Variants in KIF21A observed in about 807,000 individuals in gnomAD.
KIF21A encodes the protein kinesin family member 21A, also known as kinesin-like protein KIF21A.
Under a neutral mutation model 202.9 loss-of-function variants are expected in KIF21A, and 114 were observed. That is an observed-to-expected ratio of 0.56 (90% CI 0.48 to 0.66). KIF21A has a LOEUF of 0.66. Ranked by LOEUF, KIF21A falls within the 30% of genes least tolerant of loss-of-function variation. The pLI is 0.00. For synonymous variants in KIF21A, 667 were observed against 670.8 expected (o/e 0.99, Z 0.09); for missense variants, 1,677 against 1,994.9 (o/e 0.84, Z 3.04).
Position 39,303,128 on chromosome 12 carries a change from T to C in KIF21A, c.4568A>G (p.Asp1523Gly). The C allele has an allele frequency of 3.1e-6, 5 of 1,613,954 alleles. No homozygotes were observed. Among genetic ancestry groups the C allele is most frequent in the Non-Finnish European group, 4.2e-6 (5 of 1,179,902 alleles). Residue 1523 changes from aspartate (D) to glycine (G), a missense_variant, in exon 36 of 38, where the codon GAT (aspartate) becomes GGT (glycine). Asp to Gly is a moderately conservative substitution (Grantham distance 94). Transcript: ENST00000361418. ...AGTCCCAAGAGCTCCTTCTGTAACA[T>C]CAAACATCTAAAAAGGTAGAAACAA... Reference protein sequence around the residue: ...GSKDHYIKMFDVTEGALGTVS... With the variant: ...GSKDHYIKMFGVTEGALGTVS...
chr12:39,424,824 T>C (rs2140274713), intron 1 of KIF21A, among the ~76,000 whole-genome samples: 1 of 152,284 alleles, frequency 6.6e-6, no homozygotes, highest in Admixed American at 6.5e-5. Context: ...CAGTCCACCT[T>C]GTACCGAGCA....
rs899673466 is a variant in KIF21A at position 39,347,236 on chromosome 12, CA to C, written c.1674-733del. Among the ~76,000 whole-genome samples the C allele has an allele frequency of 3.9e-3, 491 of 124,738 alleles. 3 individuals carry two copies. The highest frequency in any genetic ancestry group is 0.011 in the African/African-American group (380 of 33,644). The allele number at this position is 124,738 out of a possible 152,430, so 81.8% of individuals were successfully genotyped here. On this transcript the variant is annotated intron_variant, in intron 11 of 37. Transcript: ENST00000361418. ...GGGCATATCTATAAAGCAACAGTGGCAAAAAAAAAAGGGGGGTGGGGAGAAA... is the reference window on the plus strand; with the variant it reads ...GGGCATATCTATAAAGCAACAGTGGCAAAAAAAAAGGGGGGTGGGGAGAAA...
intron 7 of KIF21A, among the ~76,000 whole-genome samples, chr12:39,360,178 T>A (rs1949097687): frequency 1.3e-5 from 2 of 152,072 alleles, no homozygotes; most frequent in African/African-American, 4.8e-5. Flanking sequence ...TGATTCTATT[T>A]ATGAAAAACT....
At chr12:39,343,253 A>C (rs1287522127) in intron 12 of KIF21A, among the ~76,000 whole-genome samples, 1 of 151,996 alleles carries the variant, frequency 6.6e-6, no homozygotes, top group Non-Finnish European at 1.5e-5. Flanking sequence ...CCAGCTACTA[A>C]GGAGGCTGGG....
At chr12:39,415,895 A>G (rs1322566763) in intron 1 of KIF21A, among the ~76,000 whole-genome samples, 5 of 152,174 alleles carry the variant, frequency 3.3e-5, no homozygotes, top group Non-Finnish European at 5.9e-5. Context: ...TCCTCTAAAT[A>G]TAGGCATCAC....
chr12:39,332,239 T>C lies in KIF21A; in HGVS notation c.3026A>G (p.Asn1009Ser), dbSNP rs751774889. 1.9e-6 allele frequency: 3 copies of C among 1,613,984 alleles called. No homozygotes were observed. The highest frequency in any genetic ancestry group is 1.7e-6 in the Non-Finnish European group (2 of 1,179,966). The change falls in exon 21 of 38, where the codon AAC (asparagine) becomes AGC (serine). Residue 1009 changes from asparagine to serine, a missense_variant. This residue lies in a region of KIF21A where 705 missense variants were observed against 791.9 expected (regional missense o/e 0.89). Coordinates refer to ENST00000361418, the MANE Select transcript of KIF21A (RefSeq NM_001173464.2). The part of the protein sequence containing the change: ...INDSISDCQA[N>S]IMQMEEAKEE... ...CTTTGCTTCTTCCATCTGCATTATG[T>C]TGGCCTGACAATCAGAAATACTGTC...
chr12:39,365,112 G>C (rs1437302146), intron 6 of KIF21A, among the ~76,000 whole-genome samples: 1 of 152,110 alleles, frequency 6.6e-6, no homozygotes, highest in Non-Finnish European at 1.5e-5. Flanking sequence ...AAGACAGCAA[G>C]AAGAATCCAC....
intron 11 of KIF21A, among the ~76,000 whole-genome samples, chr12:39,347,278 T>C (rs1420215309): frequency 6.6e-6 from 1 of 151,360 alleles, no homozygotes. Context: ...TACTTTCCAT[T>C]AGTAAGATTG....
intron 34 of KIF21A, among the ~76,000 whole-genome samples, chr12:39,305,384 A>C (rs1015877215): frequency 2.4e-4 from 36 of 151,612 alleles, no homozygotes; most frequent in African/African-American, 7.2e-4. Flanking sequence ...AAAAAAAAAA[A>C]AAAAACAGAG....
chr12:39,373,510 G>A (rs1566028483), intron 1 of KIF21A, among the ~76,000 whole-genome samples: 1 of 152,114 alleles, frequency 6.6e-6, no homozygotes, highest in East Asian at 1.9e-4. Context: ...CAGCTTTATG[G>A]CTGCTATACT....
intron 1 of KIF21A, among the ~76,000 whole-genome samples, chr12:39,376,811 T>TC (rs1393567425): frequency 1.3e-5 from 2 of 152,144 alleles, no homozygotes; most frequent in Non-Finnish European, 2.9e-5. Flanking sequence ...ATTCCTCTGT[T>TC]CCCCATTTTA....
intron 26 of KIF21A, among the ~76,000 whole-genome samples, chr12:39,323,983 G>C (rs755722469): frequency 6.6e-6 from 1 of 151,928 alleles, no homozygotes; most frequent in African/African-American, 2.4e-5. Context: ...GGTGGCGGGC[G>C]CCTGTTGTCC....
chr12:39,352,116 C>T lies in KIF21A; in HGVS notation c.1470-136G>A, dbSNP rs148354868. 2,411 of 698,902 alleles carry T rather than the reference C, an allele frequency of 3.4e-3. 7 individuals are homozygous for T. Among genetic ancestry groups the T allele is most frequent in the Non-Finnish European group, 5.0e-3 (2,021 of 407,594 alleles). 43.3% of individuals were successfully genotyped at this position (698,902 alleles called of 1,614,324 possible). ...AAGCAAATCTATATTGTTCTGCAAC[C>T]GTCACCACCATCCATCTCCAGAAAT... On this transcript the variant is annotated intron_variant, in intron 10 of 37. Coordinates refer to ENST00000361418, the MANE Select transcript of KIF21A (RefSeq NM_001173464.2).
At chr12:39,320,702 A>T (rs1945124981) in intron 27 of KIF21A, among the ~76,000 whole-genome samples, 1 of 151,620 alleles carries the variant, frequency 6.6e-6, no homozygotes, top group African/African-American at 2.4e-5. Flanking sequence ...TGGGAGGCTG[A>T]GGTGGGTGGA....
intron 1 of KIF21A, among the ~76,000 whole-genome samples, chr12:39,421,396 A>C (rs1954244480): frequency 6.6e-6 from 1 of 152,218 alleles, no homozygotes; most frequent in Non-Finnish European, 1.5e-5. Context: ...TATATTAAAA[A>C]TATGATAGGC....
chr12:39,355,032 T>C (rs1246429973), intron 10 of KIF21A, among the ~76,000 whole-genome samples: 3 of 152,250 alleles, frequency 2.0e-5, no homozygotes, highest in Non-Finnish European at 1.5e-5. Context: ...CATATGTAAA[T>C]TATAATCCTG....
At chr12:39,423,820 T>TA (rs1954513993) in intron 1 of KIF21A, among the ~76,000 whole-genome samples, 1 of 150,726 alleles carries the variant, frequency 6.6e-6, no homozygotes, top group Admixed American at 6.6e-5. Context: ...CATCTCTACT[T>TA]AAAAAATACA....
chr12:39,317,654 G>T (rs1164888224), intron 29 of KIF21A, among the ~76,000 whole-genome samples: 2 of 152,056 alleles, frequency 1.3e-5, no homozygotes, highest in African/African-American at 4.8e-5. Context: ...TTGTAACAAT[G>T]GTCTTTGTAA....
chr12:39,381,516 G>A (rs1404183848), intron 1 of KIF21A, among the ~76,000 whole-genome samples: 2 of 151,794 alleles, frequency 1.3e-5, no homozygotes, highest in African/African-American at 2.4e-5. Flanking sequence ...TAAGAATCTG[G>A]TCCTAAAGTA....
Sources: gnomAD v4.1 joint callset for allele counts (sites outside exome capture counted in the v4.1 genomes callset) on GRCh38, gnomAD v4.1.1 for gene constraint, gnomAD v4.1.1 regional missense constraint, MANE v1.5 for transcripts, NCBI Gene and HGNC (gene_info 2026-07-23, HGNC 2026-07-21) for gene names.